The following AGK variants were observed in gnomAD, a reference collection of about 807,000 sequenced individuals.
The protein encoded by AGK is acylglycerol kinase, mitochondrial.
AGK carries 52 observed loss-of-function variants against 66.4 expected under a neutral mutation model. The observed-to-expected ratio is 0.78, with a 90% CI of 0.63 to 0.99. The LOEUF is 0.99. Among genes scored for constraint, AGK ranks in the 50% least tolerant of loss-of-function variants. AGK has a pLI of 0.00. For missense variants in AGK, 451 were observed against 506.6 expected, an observed-to-expected ratio of 0.89 and a Z score of 1.05; for synonymous variants, 182 against 181.1, an observed-to-expected ratio of 1.00 and a Z score of -0.04.
chr7:141,620,466 C>G (rs1796799039), intron 8 of AGK, among the ~76,000 whole-genome samples: 1 of 152,174 alleles, frequency 6.6e-6, no homozygotes, highest in South Asian at 2.1e-4. Context: ...AGCAACTCTT[C>G]TTGTATCTGA....
intron 9 of AGK, among the ~76,000 whole-genome samples, chr7:141,633,564 A>G (rs759221813): frequency 3.3e-5 from 5 of 152,240 alleles, no homozygotes; most frequent in African/African-American, 1.2e-4. Context: ...GGACAAGTAC[A>G]TGAAAGAAAA....
At chr7:141,632,242 A>C (rs548217915) in intron 9 of AGK, among the ~76,000 whole-genome samples, 110 of 150,768 alleles carry the variant, frequency 7.3e-4, no homozygotes, top group African/African-American at 2.4e-3. Context: ...AAAAAAAAAA[A>C]AACAAAAAAA....
At chr7:141,648,859 A>T (rs1392190203) in intron 13 of AGK, among the ~76,000 whole-genome samples, 1 of 152,226 alleles carries the variant, frequency 6.6e-6, no homozygotes, top group Admixed American at 6.5e-5. Flanking sequence ...CAAGCAGCCG[A>T]TTCCATGCTG....
At chr7:141,571,054 A>G (rs1214370665) in intron 2 of AGK, among the ~76,000 whole-genome samples, 1 of 152,212 alleles carries the variant, frequency 6.6e-6, no homozygotes, top group African/African-American at 2.4e-5. Context: ...AAAACCAGTG[A>G]TACTGGCCCT....
At chr7:141,652,228 C>T (rs1404774294) in intron 15 of AGK, among the ~76,000 whole-genome samples, 8 of 152,098 alleles carry the variant, frequency 5.3e-5, no homozygotes, top group South Asian at 2.1e-4. Flanking sequence ...TAGTGACTGG[C>T]GTCACAGTTT....
In AGK at chr7:141,651,622, G is replaced by A. The variant is rs752782586; in HGVS notation, c.1131+13G>A. 1.9e-6 allele frequency: 3 copies of A among 1,612,704 alleles called. No individual in the cohort carries two copies. The highest frequency in any genetic ancestry group is 2.5e-6 in the Non-Finnish European group (3 of 1,178,768). ...GCTTATCCCGGAGGTGAGTGGGGAA[G>A]GGGTCGGTAGTCACAGCATTTGATT... On this transcript the variant is annotated intron_variant, in intron 15 of 15. Coordinates refer to ENST00000649286, the MANE Select transcript of AGK (RefSeq NM_018238.4).
At chr7:141,585,630 A>C (rs1795979529) in intron 2 of AGK, among the ~76,000 whole-genome samples, 1 of 152,238 alleles carries the variant, frequency 6.6e-6, no homozygotes, top group African/African-American at 2.4e-5. Context: ...GGACAGATCA[A>C]GGTGGTTTTT....
At chr7:141,594,914 G>A (rs1796197781) in intron 3 of AGK, among the ~76,000 whole-genome samples, 1 of 152,160 alleles carries the variant, frequency 6.6e-6, no homozygotes, top group South Asian at 2.1e-4. Flanking sequence ...GCCTCCCAAA[G>A]TGCTGCAATT....
At chr7:141,628,368 G>A (rs1424161388) in intron 9 of AGK, among the ~76,000 whole-genome samples, 1 of 152,110 alleles carries the variant, frequency 6.6e-6, no homozygotes, top group Admixed American at 6.5e-5. Context: ...GGTTTCTGAG[G>A]AACCCAACTA....
At chr7:141,602,388 G>T (rs978717670) in intron 5 of AGK, among the ~76,000 whole-genome samples, 6 of 151,894 alleles carry the variant, frequency 4.0e-5, no homozygotes, top group Admixed American at 1.3e-4. Context: ...AACAGTTCTA[G>T]AAGTACTCAG....
chr7:141,552,279 C>T (rs1014810697), intron 1 of AGK, among the ~76,000 whole-genome samples: 8 of 152,312 alleles, frequency 5.3e-5, no homozygotes, highest in Admixed American at 2.0e-4. Context: ...TTATATCACT[C>T]ACCTGCTTAA....
intron 2 of AGK, among the ~76,000 whole-genome samples, chr7:141,590,496 G>T (rs1202855350): frequency 6.6e-6 from 1 of 152,178 alleles, no homozygotes; most frequent in Non-Finnish European, 1.5e-5. Context: ...CGTTCCCAGG[G>T]CCTGTGCAAG....
intron 5 of AGK, among the ~76,000 whole-genome samples, chr7:141,607,552 C>T (rs1328790042): frequency 6.6e-6 from 1 of 152,028 alleles, no homozygotes; most frequent in African/African-American, 2.4e-5. Context: ...GTTTGCTATG[C>T]ATTTTGCATA....
chr7:141,579,561 A>G (rs1389271542), intron 2 of AGK, among the ~76,000 whole-genome samples: 1 of 151,956 alleles, frequency 6.6e-6, no homozygotes, highest in Non-Finnish European at 1.5e-5. Flanking sequence ...CATGTGAGTA[A>G]GGTTAATTTG....
intron 5 of AGK, among the ~76,000 whole-genome samples, chr7:141,602,431 A>G (rs1796368507): frequency 2.0e-5 from 3 of 152,150 alleles, no homozygotes; most frequent in African/African-American, 7.2e-5. Flanking sequence ...TGTAAGGTAA[A>G]TTCTTCAAGG....
intron 2 of AGK, among the ~76,000 whole-genome samples, chr7:141,591,146 G>A (rs1270693956): frequency 7.9e-6 from 1 of 127,120 alleles, no homozygotes; most frequent in Non-Finnish European, 1.6e-5. Flanking sequence ...AGGCTGGAGC[G>A]CAATGGCGTG....
At chr7:141,612,159 A>G (rs1303551189) in intron 6 of AGK, among the ~76,000 whole-genome samples, 1 of 152,224 alleles carries the variant, frequency 6.6e-6, no homozygotes, top group East Asian at 1.9e-4. Context: ...GAAGTGAGCT[A>G]TCAAGCCATG....
chr7:141,578,298 G>A (rs1405824450), intron 2 of AGK, among the ~76,000 whole-genome samples: 3 of 151,646 alleles, frequency 2.0e-5, no homozygotes, highest in South Asian at 2.1e-4. Context: ...CTCAGTGGGG[G>A]AGCTTTTGAG....
At chr7:141,553,843 C>CTTAT (rs1795151771) in intron 1 of AGK, among the ~76,000 whole-genome samples, 1 of 151,964 alleles carries the variant, frequency 6.6e-6, no homozygotes, top group Non-Finnish European at 1.5e-5. Flanking sequence ...TAAAGGGAGT[C>CTTAT]ATAAAAGAAC....
Sources: gnomAD v4.1 joint callset for allele counts (sites outside exome capture counted in the v4.1 genomes callset) on GRCh38, gnomAD v4.1.1 for gene constraint, MANE v1.5 for transcripts, NCBI Gene and HGNC (gene_info 2026-07-23, HGNC 2026-07-21) for gene names.